Variants in DPP6 observed in about 807,000 individuals in gnomAD.
The protein encoded by DPP6 is dipeptidyl peptidase like 6.
A neutral mutation model predicts 122.6 loss-of-function variants in DPP6; 69 were observed. The observed-to-expected ratio is 0.56, with a 90% CI of 0.46 to 0.69. The LOEUF is 0.69. Ranked by LOEUF, DPP6 falls within the 30% of genes least tolerant of loss-of-function variation. The pLI is 0.00. For synonymous variants in DPP6, 418 were observed against 433.1 expected (o/e 0.97, Z 0.43); for missense variants, 928 against 1,116.9 (o/e 0.83, Z 2.41).
chr7:154,576,094 G>A (rs1831651433), intron 5 of DPP6, among the ~76,000 whole-genome samples: 1 of 151,988 alleles, frequency 6.6e-6, no homozygotes, highest in Admixed American at 6.6e-5. Context: ...GATTTGAGGA[G>A]CACAGAAAAC....
chr7:154,868,720 G>A (rs554019009), intron 18 of DPP6, among the ~76,000 whole-genome samples: 1 of 152,298 alleles, frequency 6.6e-6, no homozygotes, highest in African/African-American at 2.4e-5. Flanking sequence ...GAGCCTCGGA[G>A]CCTCAACTCC....
chr7:154,473,032 T>G (rs1822422464), intron 2 of DPP6, among the ~76,000 whole-genome samples: 1 of 152,246 alleles, frequency 6.6e-6, no homozygotes, highest in Non-Finnish European at 1.5e-5. Context: ...TGTTTTTTCT[T>G]ATGAGGCACA....
intron 1 of DPP6, among the ~76,000 whole-genome samples, chr7:153,889,155 C>G (rs1343198816): frequency 6.6e-6 from 1 of 152,136 alleles, no homozygotes; most frequent in Admixed American, 6.5e-5. Flanking sequence ...GGACCCTCCC[C>G]ACTCCCGAGA....
intron 1 of DPP6, among the ~76,000 whole-genome samples, chr7:154,090,414 C>A (rs1178836659): frequency 6.6e-6 from 1 of 152,170 alleles, no homozygotes; most frequent in Non-Finnish European, 1.5e-5. Flanking sequence ...ACATTTAAAT[C>A]CTCTTGCATT....
chr7:154,403,457 G>A lies in DPP6; in HGVS notation c.244-42757G>A, dbSNP rs975260777. Reference sequence around the variant, plus strand: ...AGAATGGCAGAGAGGGGAAATGGGGGCAGCCATGCATGAAGACAGGCTGGG... The same window carrying A: ...AGAATGGCAGAGAGGGGAAATGGGGACAGCCATGCATGAAGACAGGCTGGG... On this transcript the variant is annotated intron_variant, in intron 1 of 25. Coordinates refer to ENST00000377770, the MANE Select transcript of DPP6 (RefSeq NM_130797.4). This position sits in a 1 kb window ranked among gnomAD's most constrained non-coding sequence, Gnocchi z 4.1. Among the ~76,000 whole-genome samples the A allele has an allele frequency of 2.0e-5, 3 of 152,178 alleles. No homozygotes were observed. The highest frequency in any genetic ancestry group is 1.9e-4 in the East Asian group (1 of 5,190).
the DPP6 span, among the ~76,000 whole-genome samples, chr7:153,863,993 G>A: frequency 6.6e-6 from 1 of 152,158 alleles, no homozygotes; most frequent in East Asian, 1.9e-4. Flanking sequence ...GTGGTCATTT[G>A]GGCTACTTAC....
intron 2 of DPP6, among the ~76,000 whole-genome samples, chr7:154,473,454 C>T (rs1397816876): frequency 1.3e-5 from 2 of 152,130 alleles, no homozygotes; most frequent in African/African-American, 4.8e-5. Flanking sequence ...CTGCTACACA[C>T]AGTAACCCTA....
chr7:153,838,212 C>T, the DPP6 span, among the ~76,000 whole-genome samples: 11 of 152,098 alleles, frequency 7.2e-5, no homozygotes, highest in Admixed American at 6.6e-4. Flanking sequence ...ATAAGGGTTC[C>T]ACTGGATTCC....
intron 3 of DPP6, among the ~76,000 whole-genome samples, chr7:154,491,181 A>C (rs574015468): frequency 1.3e-5 from 2 of 152,300 alleles, no homozygotes; most frequent in East Asian, 3.9e-4. Flanking sequence ...TAAAGTACTT[A>C]TGTTCCTCAA....
chr7:154,173,775 C>T (rs554595909), intron 1 of DPP6, among the ~76,000 whole-genome samples: 5 of 152,182 alleles, frequency 3.3e-5, no homozygotes, highest in South Asian at 2.1e-4. Context: ...CACCAAGGAA[C>T]GACCACTCAG....
intron 10 of DPP6, 24 bp downstream of exon 10, chr7:154,772,966 CCA>C: frequency 7.5e-7 from 1 of 1,341,674 alleles, no homozygotes; most frequent in South Asian, 1.9e-5. Context: ...TATTATGTTA[CCA>C]AAAAAAAAAA....
intron 1 of DPP6, among the ~76,000 whole-genome samples, chr7:154,245,195 C>T (rs1445114183): frequency 6.6e-6 from 1 of 151,770 alleles, no homozygotes; most frequent in Non-Finnish European, 1.5e-5. Flanking sequence ...TCAAGTGATC[C>T]TCCCGCCTCG....
chr7:154,884,282 G>A (rs1805865476), intron 21 of DPP6: 1 of 133,044 alleles, frequency 7.5e-6, no homozygotes, highest in African/African-American at 3.0e-5. Flanking sequence ...ACACATACAT[G>A]CTCACAAACA....
intron 1 of DPP6, among the ~76,000 whole-genome samples, chr7:154,280,197 TA>T (rs1185038112): frequency 6.6e-6 from 1 of 151,796 alleles, no homozygotes. Context: ...TGTTTTTTTA[TA>T]AAAAAAGGTT....
chr7:154,731,288 T>C (rs1490012741), intron 8 of DPP6, among the ~76,000 whole-genome samples: 1 of 152,216 alleles, frequency 6.6e-6, no homozygotes, highest in African/African-American at 2.4e-5. Flanking sequence ...AGATAAGCTG[T>C]GTACGTGGGA....
At chr7:154,835,721 TGA>T (rs1258879971) in intron 16 of DPP6, among the ~76,000 whole-genome samples, 6 of 152,236 alleles carry the variant, frequency 3.9e-5, no homozygotes, top group African/African-American at 9.6e-5. Context: ...GTTCAGAGGC[TGA>T]GAGCCCAGAG....
At chr7:154,803,441 C>T (rs1221366033) in intron 13 of DPP6, among the ~76,000 whole-genome samples, 2 of 152,212 alleles carry the variant, frequency 1.3e-5, no homozygotes, top group African/African-American at 4.8e-5. Flanking sequence ...TTATTCTTCT[C>T]TCTTTTTCCC....
intron 1 of DPP6, among the ~76,000 whole-genome samples, chr7:154,198,322 T>TTAC (rs1798979311): frequency 2.2e-4 from 1 of 4,638 alleles, no homozygotes; most frequent in African/African-American, 8.5e-4. Flanking sequence ...TATTATTATT[T>TTAC]TTTTTTTGAG....
At chr7:154,697,050 A>C (rs1446377165) in intron 7 of DPP6, among the ~76,000 whole-genome samples, 1 of 152,170 alleles carries the variant, frequency 6.6e-6, no homozygotes, top group Non-Finnish European at 1.5e-5. Flanking sequence ...AGTCCACTAA[A>C]GACATGTACT....
Sources: allele counts gnomAD v4.1 joint callset (sites outside exome capture counted in the v4.1 genomes callset), GRCh38; gene constraint gnomAD v4.1.1; non-coding constraint Gnocchi (gnomAD v3.1); transcripts MANE v1.5; gene names NCBI Gene and HGNC (gene_info 2026-07-23, HGNC 2026-07-21).